Variants in SNTB1 observed in about 807,000 individuals in gnomAD.
SNTB1 encodes the protein beta-1-syntrophin.
In SNTB1, 36 loss-of-function variants were observed where a neutral mutation model predicts 48.9. That is an observed-to-expected ratio of 0.74 (90% CI 0.56 to 0.97). The LOEUF (loss-of-function observed/expected upper bound fraction) is 0.97, where lower values mean the gene tolerates loss of function less well. Ranked by LOEUF, SNTB1 falls within the 50% of genes least tolerant of loss-of-function variation. The probability of loss-of-function intolerance (pLI) is 0.00; values close to 1 mark genes in which losing one functional copy is unlikely to be tolerated. For missense variants in SNTB1, 786 were observed against 703.4 expected, an observed-to-expected ratio of 1.12 and a Z score of -1.33; for synonymous variants, 299 against 294.6, an observed-to-expected ratio of 1.01 and a Z score of -0.15.
intron 1 of SNTB1, among the ~76,000 whole-genome samples, chr8:120,734,798 G>T (rs1818915152): frequency 6.6e-6 from 1 of 152,182 alleles, no homozygotes; most frequent in Non-Finnish European, 1.5e-5. Flanking sequence ...CTGGATGATG[G>T]CTGCCTTTTA....
At chr8:120,609,837 C>T (rs1816591999) in intron 3 of SNTB1, among the ~76,000 whole-genome samples, 1 of 152,188 alleles carries the variant, frequency 6.6e-6, no homozygotes, top group Admixed American at 6.5e-5. Context: ...ACTGTTCTGT[C>T]TGATGTTTTC....
Position 120,811,517 on chromosome 8 carries a change from C to A in SNTB1, c.327G>T (p.Gln109His), listed in dbSNP as rs763124379. The A allele has an allele frequency of 6.2e-7, 1 of 1,613,022 alleles. No homozygotes were observed. Among genetic ancestry groups the A allele is most frequent in the Admixed American group, 1.7e-5 (1 of 59,908 alleles). Reference sequence around the variant, plus strand: ...GCTTCAGCACCTTCACGCCACGCTTCTGGTTCGAGATGGACTCGGGCACCT... The same window carrying A: ...GCTTCAGCACCTTCACGCCACGCTTATGGTTCGAGATGGACTCGGGCACCT... ...PEQVPESISN[Q>H]KRGVKVLKQE... is the part of the protein sequence containing the mutation. The change falls in exon 1 of 7, where the codon CAG becomes CAT. Residue 109 changes from glutamine (Q) to histidine (H), a missense_variant. Transcript: ENST00000517992.
At chr8:120,627,100 T>G (rs1255789660) in intron 3 of SNTB1, among the ~76,000 whole-genome samples, 1 of 152,164 alleles carries the variant, frequency 6.6e-6, no homozygotes, top group Non-Finnish European at 1.5e-5. Context: ...AGAGGTGCCA[T>G]GGCCAATCAC....
rs184482408 is a variant in SNTB1 at position 120,640,957 on chromosome 8, C to T, written c.789-8306G>A. Among the ~76,000 whole-genome samples, 992 of 152,252 alleles carry T rather than the reference C, an allele frequency of 6.5e-3. 13 individuals carry two copies. In the Middle Eastern group the frequency reaches 0.075, roughly 11 times the overall value. On this transcript the variant is annotated intron_variant, in intron 2 of 6. Transcript: ENST00000517992. ...ATAGTTTCAGAAGGAATGGTACCAA[C>T]TCCTCCTTGTACCTCTGGTAGAATT... is the stretch of plus-strand genomic sequence containing the variant.
chr8:120,760,552 T>C (rs10094974), intron 1 of SNTB1, among the ~76,000 whole-genome samples: 19,312 of 152,052 alleles, frequency 0.13, 4,067 homozygotes, highest in African/African-American at 0.44. Context: ...GAGAGGTGGG[T>C]GAGGCACATT....
At chr8:120,617,856 G>T (rs1255925621) in intron 3 of SNTB1, among the ~76,000 whole-genome samples, 1 of 152,210 alleles carries the variant, frequency 6.6e-6, no homozygotes, top group African/African-American at 2.4e-5. Context: ...CTGTAAAGTA[G>T]ATTTTCATAT....
At chr8:120,631,538 C>A (rs1816979518) in intron 3 of SNTB1, among the ~76,000 whole-genome samples, 1 of 152,130 alleles carries the variant, frequency 6.6e-6, no homozygotes, top group African/African-American at 2.4e-5. Flanking sequence ...GTTCCCTATT[C>A]CCATTTACTG....
At position 120,811,571 on chromosome 8, in the gene SNTB1, G is replaced by C. The variant is rs1367434418; in HGVS notation, c.273C>G (p.Val91=). The stretch of plus-strand genomic sequence containing the variant: ...CGGGCAGGTCGGTGAAAGCGGTGCG[G>C]ACCCCGGCGGGCGAGTCCGGGGGCT... ...GAQPPDSPAG[V]RTAFTDLPEQ... Residue 91 remains valine, a synonymous_variant, in exon 1 of 7, where the codon GTC becomes GTG. Transcript: ENST00000517992. 1 of 1,567,982 alleles carries C rather than the reference G, an allele frequency of 6.4e-7. No individual in the cohort carries two copies. The highest frequency in any genetic ancestry group is 1.2e-5 in the South Asian group (1 of 86,414).
At chr8:120,649,444 C>T (rs1416922998) in intron 2 of SNTB1, among the ~76,000 whole-genome samples, 2 of 140,360 alleles carry the variant, frequency 1.4e-5, no homozygotes, top group Non-Finnish European at 3.1e-5. Flanking sequence ...TGTCAGTGTG[C>T]CCCTGCTGGG....
chr8:120,787,170 C>G (rs898677339), intron 1 of SNTB1, among the ~76,000 whole-genome samples: 15 of 151,572 alleles, frequency 9.9e-5, no homozygotes, highest in Non-Finnish European at 4.4e-5. Flanking sequence ...GTGACAATAA[C>G]CTATAAACAT....
At chr8:120,702,513 C>G (rs1818323944) in intron 1 of SNTB1, among the ~76,000 whole-genome samples, 1 of 152,156 alleles carries the variant, frequency 6.6e-6, no homozygotes, top group Admixed American at 6.5e-5. Flanking sequence ...AAACCTCATG[C>G]TGGGTAAGAC....
intron 1 of SNTB1, among the ~76,000 whole-genome samples, chr8:120,725,700 A>G (rs1818741941): frequency 1.3e-5 from 2 of 152,206 alleles, no homozygotes; most frequent in African/African-American, 4.8e-5. Flanking sequence ...GAAAGGACAG[A>G]TTAAATTATG....
chr8:120,631,552 A>G (rs572665978), intron 3 of SNTB1, among the ~76,000 whole-genome samples: 22 of 152,252 alleles, frequency 1.4e-4, no homozygotes, highest in African/African-American at 5.3e-4. Flanking sequence ...TTTACTGCCT[A>G]TTAGAAAGTG....
intron 3 of SNTB1, among the ~76,000 whole-genome samples, chr8:120,584,833 C>T (rs1397725933): frequency 6.6e-5 from 10 of 152,102 alleles, no homozygotes; most frequent in Admixed American, 5.9e-4. Context: ...GAAAGGTGTA[C>T]GCAGACGTGT....
At chr8:120,743,810 C>T (rs908575960) in intron 1 of SNTB1, among the ~76,000 whole-genome samples, 3 of 152,152 alleles carry the variant, frequency 2.0e-5, no homozygotes, top group African/African-American at 4.8e-5. Context: ...GGGTCCAATA[C>T]AATAAAATGT....
chr8:120,792,118 CA>C (rs1435392795), intron 1 of SNTB1, among the ~76,000 whole-genome samples: 146 of 151,706 alleles, frequency 9.6e-4, no homozygotes, highest in African/African-American at 3.4e-3. Flanking sequence ...CACACACACA[CA>C]CCCACACACA....
intron 3 of SNTB1, among the ~76,000 whole-genome samples, chr8:120,625,464 G>A (rs1056637638): frequency 3.9e-5 from 6 of 152,190 alleles, no homozygotes; most frequent in Non-Finnish European, 8.8e-5. Context: ...GACTGTGAAG[G>A]CATGCAGAAA....
chr8:120,557,811 T>C (rs1240314223), intron 4 of SNTB1, among the ~76,000 whole-genome samples: 2 of 152,218 alleles, frequency 1.3e-5, no homozygotes, highest in Non-Finnish European at 2.9e-5. Flanking sequence ...TGAATACATG[T>C]TTTTCAAAAG....
intron 2 of SNTB1, among the ~76,000 whole-genome samples, chr8:120,680,090 T>G (rs1353851889): frequency 2.6e-5 from 4 of 152,200 alleles, no homozygotes; most frequent in African/African-American, 4.8e-5. Context: ...ACTTTATTAT[T>G]CAAGTCTAAG....
Sources: gnomAD v4.1 joint callset for allele counts (sites outside exome capture counted in the v4.1 genomes callset) on GRCh38, gnomAD v4.1.1 for gene constraint, MANE v1.5 for transcripts, NCBI Gene and HGNC (gene_info 2026-07-23, HGNC 2026-07-21) for gene names.